The following ADGRB3 variants were observed in gnomAD, a reference collection of about 807,000 sequenced individuals.
The protein encoded by ADGRB3 is brain-specific angiogenesis inhibitor 3.
A neutral mutation model predicts 193.4 loss-of-function variants in ADGRB3; 37 were observed. The ratio of observed to expected loss-of-function variants is 0.19; its 90% CI spans 0.15 to 0.25. The LOEUF is 0.25. Ranked by LOEUF, ADGRB3 falls within the 10% of genes least tolerant of loss-of-function variation. ADGRB3 has a pLI of 1.00. For synonymous variants in ADGRB3, 690 were observed against 644.2 expected (o/e 1.07, Z -1.08); for missense variants, 1,637 against 1,852.9 (o/e 0.88, Z 2.14).
chr6:69,255,732 T>A (rs1229967230), intron 20 of ADGRB3, among the ~76,000 whole-genome samples: 1 of 152,228 alleles, frequency 6.6e-6, no homozygotes, highest in African/African-American at 2.4e-5. Flanking sequence ...CAATTTTGGC[T>A]TTTGTTGCCA....
At chr6:69,051,065 A>G (rs1771378621) in intron 15 of ADGRB3, among the ~76,000 whole-genome samples, 1 of 152,140 alleles carries the variant, frequency 6.6e-6, no homozygotes, top group Admixed American at 6.5e-5. Flanking sequence ...AAATTTCCCA[A>G]GGGATCCCAG....
At chr6:69,125,495 C>T (rs1214276259) in intron 17 of ADGRB3, among the ~76,000 whole-genome samples, 1 of 152,138 alleles carries the variant, frequency 6.6e-6, no homozygotes, top group African/African-American at 2.4e-5. Flanking sequence ...AGATCCCTTG[C>T]CCCTTCTGCC....
At chr6:68,764,274 GA>G (rs899612188) in intron 3 of ADGRB3, among the ~76,000 whole-genome samples, 75 of 152,062 alleles carry the variant, frequency 4.9e-4, no homozygotes, top group African/African-American at 1.8e-3. Context: ...GATACTGTTA[GA>G]AAAAAGAAAT....
At chr6:69,235,639 G>T (rs938384987) in intron 19 of ADGRB3, among the ~76,000 whole-genome samples, 6 of 152,030 alleles carry the variant, frequency 3.9e-5, no homozygotes, top group African/African-American at 1.4e-4. Context: ...TCCAGAAAAT[G>T]CCTGTTGGTT....
At chr6:69,145,466 C>A (rs918851522) in intron 17 of ADGRB3, among the ~76,000 whole-genome samples, 3 of 152,178 alleles carry the variant, frequency 2.0e-5, no homozygotes, top group African/African-American at 4.8e-5. Flanking sequence ...AGGTCTGGAA[C>A]ACCTGAAGGG....
chr6:69,370,530 TA>T (rs1769685637), intron 29 of ADGRB3, among the ~76,000 whole-genome samples: 1 of 152,122 alleles, frequency 6.6e-6, no homozygotes, highest in Non-Finnish European at 1.5e-5. Context: ...AATTTAATTT[TA>T]ATAAAATTAA....
chr6:68,964,724 C>G (rs1395582722), intron 8 of ADGRB3, among the ~76,000 whole-genome samples: 1 of 152,042 alleles, frequency 6.6e-6, no homozygotes, highest in Non-Finnish European at 1.5e-5. Flanking sequence ...TAAAATTATG[C>G]AATAATAATA....
chr6:69,237,906 C>G (rs559076776), intron 19 of ADGRB3, among the ~76,000 whole-genome samples: 4 of 152,012 alleles, frequency 2.6e-5, no homozygotes, highest in Non-Finnish European at 1.5e-5. Flanking sequence ...TTCAGCAACC[C>G]TGAGGCCATT....
At chr6:69,154,455 C>T (rs1214066041) in intron 17 of ADGRB3, among the ~76,000 whole-genome samples, 3 of 152,166 alleles carry the variant, frequency 2.0e-5, no homozygotes, top group Non-Finnish European at 2.9e-5. Context: ...GTACCTCTGC[C>T]TTGTCATTAC....
chr6:68,640,421 T>A (rs1311278173), intron 3 of ADGRB3, among the ~76,000 whole-genome samples: 1 of 152,232 alleles, frequency 6.6e-6, no homozygotes. Context: ...GTGACATATT[T>A]TGAGAAAATG....
intron 17 of ADGRB3, among the ~76,000 whole-genome samples, chr6:69,220,541 G>C (rs1402968749): frequency 6.6e-6 from 1 of 152,072 alleles, no homozygotes; most frequent in Non-Finnish European, 1.5e-5. Flanking sequence ...AGCAGTAGCA[G>C]GCTGAAACTG....
chr6:69,314,876 C>A (rs1036106294), intron 20 of ADGRB3, among the ~76,000 whole-genome samples: 3 of 151,526 alleles, frequency 2.0e-5, no homozygotes, highest in Non-Finnish European at 3.0e-5. Flanking sequence ...ACCTTGTCTT[C>A]ACAATGCCTA....
At chr6:69,235,905 T>C (rs1460694520) in intron 19 of ADGRB3, among the ~76,000 whole-genome samples, 1 of 151,912 alleles carries the variant, frequency 6.6e-6, no homozygotes, top group African/African-American at 2.4e-5. Context: ...TCTAGTGGAT[T>C]TTTAAATTTT....
chr6:68,798,807 A>G (rs1387572531), intron 3 of ADGRB3, among the ~76,000 whole-genome samples: 1 of 152,210 alleles, frequency 6.6e-6, no homozygotes, highest in South Asian at 2.1e-4. Flanking sequence ...GAAGCAAGTT[A>G]GTGGGTTCAG....
chr6:69,017,340 T>C (rs1254757807), intron 12 of ADGRB3, among the ~76,000 whole-genome samples: 1 of 151,922 alleles, frequency 6.6e-6, no homozygotes, highest in Non-Finnish European at 1.5e-5. Context: ...TAGAACTCTC[T>C]AATCCACTTA....
At chr6:68,672,970 G>A (rs1769002809) in intron 3 of ADGRB3, among the ~76,000 whole-genome samples, 1 of 151,944 alleles carries the variant, frequency 6.6e-6, no homozygotes, top group Non-Finnish European at 1.5e-5. Context: ...ATGCCCTGCA[G>A]ATTTTACACT....
rs33959992 is a variant in ADGRB3, at chr6:69,109,946, A to AT, written c.2480+33927dup. ...ACTGGTACTATGATTGCCTTCTTTA[A>AT]TTTTTTTTTTTTTTTTTTTGAGATG... On this transcript the variant is annotated intron_variant, in intron 17 of 31. Transcript: ENST00000370598. Among the ~76,000 whole-genome samples the AT allele has an allele frequency of 9.0e-3, 1,167 of 129,622 alleles. 16 individuals are homozygous for AT. Among genetic ancestry groups the AT allele is most frequent in the African/African-American group, 0.022 (775 of 34,976 alleles). The allele number at this position is 129,622 out of a possible 152,430, so 85.0% of individuals were successfully genotyped here.
At chr6:68,667,520 T>A (rs1412834446) in intron 3 of ADGRB3, among the ~76,000 whole-genome samples, 1 of 151,870 alleles carries the variant, frequency 6.6e-6, no homozygotes, top group Non-Finnish European at 1.5e-5. Flanking sequence ...AGTCAAACAA[T>A]TTTTAGAATA....
chr6:69,031,523 T>TTCTG (rs1446444487), intron 13 of ADGRB3, among the ~76,000 whole-genome samples: 1 of 46,700 alleles, frequency 2.1e-5, no homozygotes, highest in Non-Finnish European at 5.3e-5. Flanking sequence ...AGTTGTCTCT[T>TTCTG]TCTTTCTTTC....
Sources: allele counts gnomAD v4.1 joint callset (sites outside exome capture counted in the v4.1 genomes callset), GRCh38; gene constraint gnomAD v4.1.1; transcripts MANE v1.5; gene names NCBI Gene and HGNC (gene_info 2026-07-23, HGNC 2026-07-21).